LIN54: variants seen among roughly 807,000 people sequenced by gnomAD.
The protein encoded by LIN54 is lin-54 DREAM MuvB core complex component.
A neutral mutation model predicts 78.7 loss-of-function variants in LIN54; 9 were observed. The ratio of observed to expected loss-of-function variants is 0.11; its 90% CI spans 0.07 to 0.20. The LOEUF is 0.20. Ranked by LOEUF, LIN54 falls within the 10% of genes least tolerant of loss-of-function variation. The pLI is 1.00. For synonymous variants in LIN54, 269 were observed against 318.4 expected, an observed-to-expected ratio of 0.84 and a Z score of 1.65; for missense variants, 573 against 889.9, an observed-to-expected ratio of 0.64 and a Z score of 4.53.
intron 5 of LIN54, among the ~76,000 whole-genome samples, chr4:82,940,738 C>T (rs913774081): frequency 2.6e-5 from 4 of 152,166 alleles, no homozygotes; most frequent in African/African-American, 7.2e-5. Context: ...TACTAAAAGG[C>T]AGCACAGCAA....
At chr4:82,964,876 G>A (rs549907737) in intron 4 of LIN54, among the ~76,000 whole-genome samples, 15 of 152,204 alleles carry the variant, frequency 9.9e-5, no homozygotes, top group Non-Finnish European at 2.2e-4. Flanking sequence ...GCCGGGCATG[G>A]TGGCATAGCT....
intron 1 of LIN54, among the ~76,000 whole-genome samples, chr4:83,006,454 A>G (rs1171622180): frequency 6.6e-6 from 1 of 151,526 alleles, no homozygotes; most frequent in Non-Finnish European, 1.5e-5. Context: ...GTCTCAAAAA[A>G]AAAAAAAAAG....
chr4:82,931,033 T>C lies in LIN54; in HGVS notation c.1958A>G (p.Gln653Arg), dbSNP rs1193139490. Reference protein sequence around the residue: ...HLADAAEVRVQQQTAAKTKLS... With the variant: ...HLADAAEVRVRQQTAAKTKLS... Reference sequence around the variant, plus strand: ...CTTCGTCTTGGCTGCTGTTTGTTGCTGTACCCTTACTTCAGCTGCATCTGC... The same window carrying C: ...CTTCGTCTTGGCTGCTGTTTGTTGCCGTACCCTTACTTCAGCTGCATCTGC... The change falls in exon 12 of 13, where the codon CAG (glutamine) becomes CGG (arginine). Residue 653 changes from glutamine (Q) to arginine (R), a missense_variant. Physicochemically the swap from Gln to Arg is conservative, Grantham distance 43. Transcript: ENST00000340417. 2 of 1,614,124 alleles carry C rather than the reference T, an allele frequency of 1.2e-6. No homozygotes were observed. The highest frequency in any genetic ancestry group is 1.7e-5 in the Admixed American group (1 of 60,014).
chr4:82,947,207 TTATATATATATATA>T (rs1207992875), intron 4 of LIN54, among the ~76,000 whole-genome samples: 1 of 76,210 alleles, frequency 1.3e-5, no homozygotes, highest in African/African-American at 5.7e-5. Flanking sequence ...AAAAAAAAAT[TTATATATATATATA>T]TATATATATA....
intron 7 of LIN54, among the ~76,000 whole-genome samples, chr4:82,939,165 T>C (rs1044542521): frequency 6.6e-5 from 10 of 152,210 alleles, no homozygotes; most frequent in African/African-American, 2.2e-4. Flanking sequence ...CTTGGGCTTA[T>C]TTTCCAAGTC....
intron 4 of LIN54, among the ~76,000 whole-genome samples, chr4:82,968,343 C>G (rs1725388928): frequency 6.6e-6 from 1 of 151,992 alleles, no homozygotes; most frequent in South Asian, 2.1e-4. Flanking sequence ...TATGGCAGGG[C>G]TAAAGTCAAG....
Position 83,003,207 on chromosome 4 carries a change from G to GT in LIN54, c.-33+7276dup, listed in dbSNP as rs538347538. Among the ~76,000 whole-genome samples the GT allele has an allele frequency of 2.5e-4, 38 of 152,190 alleles. No individual in the cohort carries two copies. In the South Asian group the frequency reaches 7.9e-3, roughly 32 times the overall value. On this transcript the variant is annotated intron_variant, in intron 1 of 12. Coordinates refer to ENST00000340417, the MANE Select transcript of LIN54 (RefSeq NM_194282.4). ...TTTTTGTATTTTTAGTAGACACAGG[G>GT]TTTCACCATGTTGGCCAGGCTGGCC...
Position 82,984,287 on chromosome 4 carries a change from A to G in LIN54, c.558T>C (p.Val186=). The change falls in exon 2 of 13, where the codon GTT becomes GTC. Residue 186 remains valine, a synonymous_variant. Coordinates refer to ENST00000340417, the MANE Select transcript of LIN54 (RefSeq NM_194282.4). ...AKLPPQQIKV[V]TIGGRPEVKP... is the part of the protein sequence containing the mutation. ...TCACCTCTGGCCTCCCTCCAATGGTAACTACTTTAATTTGCTGCGGTGGTA... is the reference window on the plus strand; with the variant it reads ...TCACCTCTGGCCTCCCTCCAATGGTGACTACTTTAATTTGCTGCGGTGGTA... 1 of 1,614,160 alleles carries G rather than the reference A, an allele frequency of 6.2e-7. No homozygotes were observed. The highest frequency in any genetic ancestry group is 8.5e-7 in the Non-Finnish European group (1 of 1,180,036).
intron 2 of LIN54, 23 bp downstream of exon 2, chr4:82,984,138 G>T (rs370698675): frequency 6.4e-5 from 97 of 1,515,518 alleles, no homozygotes; most frequent in Non-Finnish European, 8.4e-5. Flanking sequence ...ATTTTAATTA[G>T]TAAGCCCCCT....
intron 5 of LIN54, among the ~76,000 whole-genome samples, chr4:82,940,347 C>A (rs1722746953): frequency 6.6e-6 from 1 of 152,150 alleles, no homozygotes; most frequent in Non-Finnish European, 1.5e-5. Context: ...ACTACTATTT[C>A]TCATTGCTCT....
At chr4:82,991,134 A>G (rs1001636721) in intron 1 of LIN54, among the ~76,000 whole-genome samples, 3 of 136,706 alleles carry the variant, frequency 2.2e-5, no homozygotes, top group African/African-American at 8.1e-5. Context: ...TGGGCAACAC[A>G]GTGACAGCCT....
rs72664769 is a variant in LIN54 at position 82,959,930 on chromosome 4, A to G, written c.951+10397T>C. Reference sequence around the variant, plus strand: ...CAAATTATTTTTAAGAAGTTGAAAAAATTATTCTTAATTATGTGAGAACTC... The same window carrying G: ...CAAATTATTTTTAAGAAGTTGAAAAGATTATTCTTAATTATGTGAGAACTC... On this transcript the variant is annotated intron_variant, in intron 4 of 12. Transcript: ENST00000340417. Among the ~76,000 whole-genome samples the G allele has an allele frequency of 8.5e-3, 1,298 of 152,308 alleles. 12 individuals carry two copies. Among genetic ancestry groups the G allele is most frequent in the Middle Eastern group, 0.027 (8 of 294 alleles).
At chr4:82,929,208 TGAAAC>T (rs1427496770) in intron 12 of LIN54, among the ~76,000 whole-genome samples, 1 of 152,236 alleles carries the variant, frequency 6.6e-6, no homozygotes, top group Non-Finnish European at 1.5e-5. Context: ...TTTGGTCACT[TGAAAC>T]AAGCTTGTTA....
At chr4:82,932,282 G>A (rs1722025682) in intron 11 of LIN54, among the ~76,000 whole-genome samples, 1 of 150,516 alleles carries the variant, frequency 6.6e-6, no homozygotes, top group African/African-American at 2.4e-5. Context: ...ATTTTTAGTA[G>A]AGACGGGGTT....
intron 2 of LIN54, among the ~76,000 whole-genome samples, chr4:82,979,771 CTACAAAAA>C (rs1726468108): frequency 6.6e-6 from 1 of 151,510 alleles, no homozygotes; most frequent in South Asian, 2.1e-4. Flanking sequence ...AACCCTGTCT[CTACAAAAA>C]TACAAAAATA....
At position 82,936,122 on chromosome 4, in the gene LIN54, G is replaced by C. The variant is rs1560719292; in HGVS notation, c.1708-4C>G. ...CTGGATTTCTGTCAAGGCATGCCTAGCAAAACAGATCAAATATCAGTTAGA... is the reference window on the plus strand; with the variant it reads ...CTGGATTTCTGTCAAGGCATGCCTACCAAAACAGATCAAATATCAGTTAGA... On this transcript the variant is annotated splice_region_variant and splice_polypyrimidine_tract_variant and intron_variant, in intron 10 of 12. Transcript: ENST00000340417. The C allele has an allele frequency of 1.2e-6, 2 of 1,613,874 alleles. No homozygotes were observed. The highest frequency in any genetic ancestry group is 1.7e-5 in the Admixed American group (1 of 60,006).
Position 82,984,184 on chromosome 4 carries a change from T to C in LIN54, c.661A>G (p.Thr221Ala). 1 of 1,612,794 alleles carries C rather than the reference T, an allele frequency of 6.2e-7. No homozygotes were observed. The highest frequency in any genetic ancestry group is 8.5e-7 in the Non-Finnish European group (1 of 1,179,440). The change falls in exon 2 of 13, where the codon ACC becomes GCC. Residue 221 changes from threonine to alanine, a missense_variant. Thr to Ala is a moderately conservative substitution (Grantham distance 58). Coordinates refer to ENST00000340417, the MANE Select transcript of LIN54 (RefSeq NM_194282.4). ...NTTTQPSVLQ[T>A]QQLKTVQIAK... ...ACCTGTACTGTTTTTAACTGTTGGG[T>C]CTGTAACACAGAGGGCTGAGTTGTA...
intron 2 of LIN54, among the ~76,000 whole-genome samples, chr4:82,980,583 C>G (rs1203354692): frequency 6.6e-6 from 1 of 151,688 alleles, no homozygotes; most frequent in East Asian, 1.9e-4. Flanking sequence ...AAAAACATAC[C>G]CATTATTGTA....
At chr4:83,006,443 C>T (rs994836814) in intron 1 of LIN54, among the ~76,000 whole-genome samples, 6 of 140,324 alleles carry the variant, frequency 4.3e-5, no homozygotes, top group Non-Finnish European at 7.6e-5. Flanking sequence ...AGCGAGACTC[C>T]GTCTCAAAAA....
Sources: gnomAD v4.1 joint callset for allele counts (sites outside exome capture counted in the v4.1 genomes callset) on GRCh38, gnomAD v4.1.1 for gene constraint, MANE v1.5 for transcripts, NCBI Gene and HGNC (gene_info 2026-07-23, HGNC 2026-07-21) for gene names.